Variants in DAOA observed in about 807,000 individuals in gnomAD.
The protein encoded by DAOA is D-amino acid oxidase activator, also known as D-amino acid oxidase regulator.
In DAOA, 15 loss-of-function variants were observed where a neutral mutation model predicts 16.4. That is an observed-to-expected ratio of 0.91 (90% confidence interval 0.61 to 1.41). The LOEUF (loss-of-function observed/expected upper bound fraction) is 1.41, where lower values mean the gene tolerates loss of function less well. DAOA is among the 40% of genes most tolerant of loss of function. The pLI is 0.00. For missense variants in DAOA, 230 were observed against 176.8 expected (o/e 1.30, Z -1.71); for synonymous variants, 75 against 59.1 (o/e 1.27, Z -1.23).
chr13:105,487,935 G>A (rs1258575646), intron 4 of DAOA, among the ~76,000 whole-genome samples: 1 of 152,050 alleles, frequency 6.6e-6, no homozygotes, highest in Non-Finnish European at 1.5e-5. Context: ...GCCACCCCTG[G>A]GGACATGCTT....
Position 105,466,251 on chromosome 13 carries a change from G to C in DAOA, c.-38G>C. On this transcript the variant is annotated 5_prime_UTR_variant, in exon 2 of 6. Transcript: ENST00000375936. ...GGGCATGGCAGGAGGTCTCATCTCT[G>C]CTTCACAATGCCGATGATTTAGCTG... 1 of 1,613,708 alleles carries C rather than the reference G, an allele frequency of 6.2e-7. No homozygotes were observed. Among genetic ancestry groups the C allele is most frequent in the Non-Finnish European group, 8.5e-7 (1 of 1,179,776 alleles).
At chr13:105,467,183 G>T in intron 3 of DAOA, 42 bp downstream of exon 3, 1 of 1,532,374 alleles carries the variant, frequency 6.5e-7, no homozygotes, top group Non-Finnish European at 8.8e-7. Flanking sequence ...AATTCTTCTA[G>T]AAGTTAGATA....
intron 4 of DAOA, among the ~76,000 whole-genome samples, chr13:105,473,102 A>G (rs1355818444): frequency 6.6e-6 from 1 of 152,032 alleles, no homozygotes; most frequent in African/African-American, 2.4e-5. Flanking sequence ...GCCTGCCCAT[A>G]CACAACAATA....
chr13:105,474,365 C>A (rs543013295), intron 4 of DAOA, among the ~76,000 whole-genome samples: 1 of 151,766 alleles, frequency 6.6e-6, no homozygotes, highest in Non-Finnish European at 1.5e-5. Flanking sequence ...TGTGTGCATG[C>A]GCGTGTGTGT....
At chr13:105,467,413 G>T (rs1441711533) in intron 3 of DAOA, among the ~76,000 whole-genome samples, 2 of 152,062 alleles carry the variant, frequency 1.3e-5, no homozygotes, top group Middle Eastern at 6.3e-3. Flanking sequence ...AAGCAAACAA[G>T]TAAATTTTTC....
chr13:105,489,474 A>T lies in DAOA; in HGVS notation c.282-427A>T, dbSNP rs1878354395. On this transcript the variant is annotated intron_variant, in intron 4 of 5. Coordinates refer to ENST00000375936, the MANE Select transcript of DAOA (RefSeq NM_172370.5). The stretch of plus-strand genomic sequence containing the variant: ...ATTCCAGGAATTGTTTTGCAGAGAG[A>T]GTATATCTGTATTTTTAAATTATTT... 1.3e-5 allele frequency among the ~76,000 whole-genome samples: 2 copies of T among 152,104 alleles called. 1 individual carries two copies. The highest frequency in any genetic ancestry group is 4.1e-4 in the South Asian group (2 of 4,826).
At chr13:105,479,028 T>A (rs141574974) in intron 4 of DAOA, among the ~76,000 whole-genome samples, 4 of 152,222 alleles carry the variant, frequency 2.6e-5, no homozygotes, top group Non-Finnish European at 5.9e-5. Flanking sequence ...GGCACTAACA[T>A]ATACTTAGGT....
At chr13:105,466,189 G>A (rs1430979557) in intron 1 of DAOA, 27 bp from the exon 2 acceptor site, 7 of 1,572,340 alleles carry the variant, frequency 4.5e-6, no homozygotes, top group Middle Eastern at 1.7e-4. Context: ...AAGCTTACTA[G>A]TGTATATGAT....
chr13:105,477,521 A>G (rs1455505580), intron 4 of DAOA, among the ~76,000 whole-genome samples: 1 of 152,208 alleles, frequency 6.6e-6, no homozygotes, highest in Non-Finnish European at 1.5e-5. Flanking sequence ...TGAGCCCAGG[A>G]GTTCAAGACC....
intron 4 of DAOA, among the ~76,000 whole-genome samples, chr13:105,480,836 C>T (rs572308882): frequency 2.6e-5 from 4 of 152,258 alleles, no homozygotes; most frequent in East Asian, 3.9e-4. Flanking sequence ...AACACATATT[C>T]CTTCCTCTAT....
At chr13:105,475,413 A>T (rs1413250225) in intron 4 of DAOA, among the ~76,000 whole-genome samples, 5 of 152,314 alleles carry the variant, frequency 3.3e-5, no homozygotes, top group Non-Finnish European at 1.5e-5. Flanking sequence ...TAAAGAGGTT[A>T]AATTTAATTC....
chr13:105,472,111 A>AC (rs1345568617), intron 3 of DAOA, among the ~76,000 whole-genome samples: 4 of 152,226 alleles, frequency 2.6e-5, no homozygotes, highest in African/African-American at 9.6e-5. Context: ...CCCAACAGTC[A>AC]CACAGGGAAG....
intron 4 of DAOA, among the ~76,000 whole-genome samples, chr13:105,475,620 G>C (rs571421835): frequency 6.6e-6 from 1 of 152,248 alleles, no homozygotes; most frequent in South Asian, 2.1e-4. Context: ...TGTAATGTGG[G>C]AAGGTAAAAA....
At chr13:105,466,477 C>T (rs1876525790) in intron 2 of DAOA, 145 bp downstream of exon 2, 2 of 1,338,472 alleles carry the variant, frequency 1.5e-6, no homozygotes, top group South Asian at 2.9e-5. Flanking sequence ...GTATATGGTT[C>T]AGCCTTACTT....
At chr13:105,466,876 AATATCTTC>A (rs1876558414) in intron 2 of DAOA, 169 bp from the exon 3 acceptor site, 2 of 862,512 alleles carry the variant, frequency 2.3e-6, no homozygotes, top group Middle Eastern at 3.7e-4. Context: ...TGCAAACCTC[AATATCTTC>A]ATCTATAAAA....
At chr13:105,471,436 T>C (rs1271003922) in intron 3 of DAOA, among the ~76,000 whole-genome samples, 2 of 152,160 alleles carry the variant, frequency 1.3e-5, no homozygotes, top group African/African-American at 4.8e-5. Context: ...ACCTAGATGA[T>C]ACCAAGAGGG....
chr13:105,486,453 C>T (rs547827689), intron 4 of DAOA, among the ~76,000 whole-genome samples: 61 of 152,222 alleles, frequency 4.0e-4, no homozygotes, highest in African/African-American at 1.4e-3. Context: ...TTCTGGGTGG[C>T]TCTCTCACCC....
Position 105,471,282 on chromosome 13 carries a change from T to G in DAOA, c.134-1256T>G, listed in dbSNP as rs191214407. ...TGAGTTAAAGCCACTATACAGAGAA[T>G]AATATTGGTCAAACCGAATGTGTGG... is the stretch of plus-strand genomic sequence containing the variant. On this transcript the variant is annotated intron_variant, in intron 3 of 5. Coordinates refer to ENST00000375936, the MANE Select transcript of DAOA (RefSeq NM_172370.5). Among the ~76,000 whole-genome samples, 86 of 152,308 alleles carry G rather than the reference T, an allele frequency of 5.6e-4. 1 individual carries two copies. The highest frequency in any genetic ancestry group is 2.0e-3 in the African/African-American group (85 of 41,568).
chr13:105,487,020 C>T (rs1878159617), intron 4 of DAOA, among the ~76,000 whole-genome samples: 1 of 152,058 alleles, frequency 6.6e-6, no homozygotes, highest in Non-Finnish European at 1.5e-5. Context: ...CCTTAGTCAT[C>T]CAAATCCTAA....
Sources: gnomAD v4.1 joint callset for allele counts (sites outside exome capture counted in the v4.1 genomes callset) on GRCh38, gnomAD v4.1.1 for gene constraint, MANE v1.5 for transcripts, NCBI Gene and HGNC (gene_info 2026-07-23, HGNC 2026-07-21) for gene names.